The following TENM2 variants were observed in gnomAD, a reference collection of about 807,000 sequenced individuals.
The protein encoded by TENM2 is teneurin-2.
Under a neutral mutation model 245.2 loss-of-function variants are expected in TENM2, and 52 were observed. That is an observed-to-expected ratio of 0.21 (90% CI 0.17 to 0.27). TENM2 has a LOEUF of 0.27. Ranked by LOEUF, TENM2 falls within the 10% of genes least tolerant of loss-of-function variation. The pLI is 1.00. For missense variants in TENM2, 3,046 were observed against 3,666.8 expected (o/e 0.83, Z 4.37); for synonymous variants, 1,363 against 1,438.9 (o/e 0.95, Z 1.19).
the TENM2 span, among the ~76,000 whole-genome samples, chr5:167,078,961 A>C: frequency 1.6e-4 from 25 of 152,148 alleles, no homozygotes; most frequent in Non-Finnish European, 3.4e-4. Context: ...AATATGAAAA[A>C]CGTGGGACTC....
At chr5:167,929,142 G>T (rs1778085942) in intron 3 of TENM2, among the ~76,000 whole-genome samples, 1 of 144,828 alleles carries the variant, frequency 6.9e-6, no homozygotes, top group South Asian at 2.3e-4. Flanking sequence ...AAGAAAGAAG[G>T]GAGGGAGGGA....
chr5:167,020,369 A>AT, the TENM2 span, among the ~76,000 whole-genome samples: 1 of 152,138 alleles, frequency 6.6e-6, no homozygotes, highest in African/African-American at 2.4e-5. Context: ...CTCCTCTCTA[A>AT]TTTTACAGCT....
At chr5:167,582,601 A>T (rs574795417) in intron 2 of TENM2, among the ~76,000 whole-genome samples, 3 of 152,322 alleles carry the variant, frequency 2.0e-5, no homozygotes, top group Non-Finnish European at 4.4e-5. Context: ...CAAAAAAGTC[A>T]TGTCATTCTT....
intron 3 of TENM2, among the ~76,000 whole-genome samples, chr5:167,903,095 T>C (rs1775832509): frequency 6.6e-6 from 1 of 152,226 alleles, no homozygotes; most frequent in African/African-American, 2.4e-5. Context: ...ATATGTACAA[T>C]TATAATTTGT....
At chr5:167,115,271 C>T in the TENM2 span, among the ~76,000 whole-genome samples, 2 of 152,172 alleles carry the variant, frequency 1.3e-5, no homozygotes, top group Non-Finnish European at 2.9e-5. Context: ...AAAATGATTT[C>T]TGAGAGGGGA....
intron 2 of TENM2, among the ~76,000 whole-genome samples, chr5:167,420,329 C>T (rs6879403): frequency 0.42 from 63,347 of 152,018 alleles, 14,117 homozygotes; most frequent in African/African-American, 0.58. Context: ...ACCAAATAAA[C>T]TATGTGGACT....
At chr5:167,428,217 A>G (rs1013625297) in intron 2 of TENM2, among the ~76,000 whole-genome samples, 8 of 152,206 alleles carry the variant, frequency 5.3e-5, no homozygotes, top group African/African-American at 1.9e-4. Flanking sequence ...TAAAAAATTA[A>G]TTACTATTAT....
intron 3 of TENM2, among the ~76,000 whole-genome samples, chr5:167,912,670 A>G (rs1776640376): frequency 6.6e-6 from 1 of 152,182 alleles, no homozygotes; most frequent in Non-Finnish European, 1.5e-5. Context: ...TCTCATGGGC[A>G]TGCCAAAAAT....
chr5:168,108,197 G>A (rs1281745651), intron 9 of TENM2, among the ~76,000 whole-genome samples: 3 of 152,134 alleles, frequency 2.0e-5, no homozygotes, highest in Non-Finnish European at 4.4e-5. Context: ...GAGGGCATGA[G>A]CAAAGGAAGG....
intron 2 of TENM2, among the ~76,000 whole-genome samples, chr5:167,736,446 A>T (rs1030076949): frequency 6.6e-6 from 1 of 152,132 alleles, no homozygotes. Flanking sequence ...TCATTTACCT[A>T]TAGTTAGTGA....
At chr5:167,418,749 G>T (rs1446059021) in intron 2 of TENM2, among the ~76,000 whole-genome samples, 6 of 152,164 alleles carry the variant, frequency 3.9e-5, no homozygotes, top group Admixed American at 3.9e-4. Flanking sequence ...GGAAGAGGAA[G>T]AGTTCATTAT....
At chr5:167,036,277 G>C in the TENM2 span, among the ~76,000 whole-genome samples, 1 of 152,006 alleles carries the variant, frequency 6.6e-6, no homozygotes, top group Non-Finnish European at 1.5e-5. Flanking sequence ...TTAAGGATCA[G>C]AAAAAAAGCC....
chr5:168,011,340 T>G (rs138535114), intron 5 of TENM2, among the ~76,000 whole-genome samples: 17 of 152,214 alleles, frequency 1.1e-4, no homozygotes, highest in Middle Eastern at 3.4e-3. Context: ...CTGAGAACAT[T>G]TATTTGGCAG....
At chr5:167,244,676 G>A in the TENM2 span, among the ~76,000 whole-genome samples, 1 of 152,202 alleles carries the variant, frequency 6.6e-6, no homozygotes, top group Non-Finnish European at 1.5e-5. Flanking sequence ...ATTCTGAGTG[G>A]ATAAAACGTT....
chr5:167,573,138 A>C (rs1774391441), intron 2 of TENM2, among the ~76,000 whole-genome samples: 1 of 152,066 alleles, frequency 6.6e-6, no homozygotes, highest in Non-Finnish European at 1.5e-5. Flanking sequence ...TACCCATGGC[A>C]GTTTGTCAGC....
the TENM2 span, among the ~76,000 whole-genome samples, chr5:167,086,929 GCACA>G: frequency 0.071 from 6,431 of 90,786 alleles, 302 homozygotes; most frequent in African/African-American, 0.15. Context: ...ACACACACAC[GCACA>G]CACACACACA....
At chr5:167,089,620 C>A in the TENM2 span, among the ~76,000 whole-genome samples, 3 of 151,698 alleles carry the variant, frequency 2.0e-5, no homozygotes, top group Admixed American at 1.3e-4. Context: ...TTAAAACATA[C>A]CAAATTTAGG....
exon 7 of TENM2, chr5:168,062,148 T>C (rs1367774550): frequency 3.7e-6 from 6 of 1,613,600 alleles, no homozygotes; most frequent in Non-Finnish European, 5.1e-6. Flanking sequence ...CAGGGGTGTT[T>C]TGGAGGTCAC....
At chr5:167,089,244 T>C in the TENM2 span, among the ~76,000 whole-genome samples, 1 of 152,234 alleles carries the variant, frequency 6.6e-6, no homozygotes, top group Non-Finnish European at 1.5e-5. Flanking sequence ...GAAGGGGAAG[T>C]AGCTTTTATT....
Sources: allele counts gnomAD v4.1 joint callset (sites outside exome capture counted in the v4.1 genomes callset), GRCh38; gene constraint gnomAD v4.1.1; transcripts MANE v1.5; gene names NCBI Gene and HGNC (gene_info 2026-07-23, HGNC 2026-07-21).